Variants in DOCK1 observed in about 807,000 individuals in gnomAD.
DOCK1 encodes the protein dedicator of cytokinesis 1.
A neutral mutation model predicts 262.7 loss-of-function variants in DOCK1; 138 were observed. That is an observed-to-expected ratio of 0.53 (90% CI 0.46 to 0.61). The LOEUF (loss-of-function observed/expected upper bound fraction) is 0.61. Ranked by LOEUF, DOCK1 falls within the 20% of genes least tolerant of loss-of-function variation. The pLI, the probability that DOCK1 is intolerant of heterozygous loss-of-function variation, is 0.00. For synonymous variants in DOCK1, 866 were observed against 867.4 expected, an observed-to-expected ratio of 1.00 and a Z score of 0.03; for missense variants, 1,908 against 2,370.7, an observed-to-expected ratio of 0.80 and a Z score of 4.05.
intron 29 of DOCK1, among the ~76,000 whole-genome samples, chr10:127,328,940 T>A (rs1443379739): frequency 6.6e-6 from 1 of 151,088 alleles, no homozygotes; most frequent in Non-Finnish European, 1.5e-5. Context: ...TTTATATATA[T>A]AAATAAATAT....
chr10:127,317,789 T>C (rs1359518606), intron 29 of DOCK1, among the ~76,000 whole-genome samples: 2 of 152,208 alleles, frequency 1.3e-5, no homozygotes, highest in African/African-American at 4.8e-5. Context: ...GCCACTCTCA[T>C]GCTGCTAGCA....
chr10:127,276,725 T>A (rs1045092262), intron 29 of DOCK1, among the ~76,000 whole-genome samples: 1 of 147,880 alleles, frequency 6.8e-6, no homozygotes, highest in African/African-American at 2.4e-5. Flanking sequence ...GCAGCAAAAA[T>A]TTTGAAAATG....
intron 1 of DOCK1, among the ~76,000 whole-genome samples, chr10:126,967,323 AC>A (rs2037745663): frequency 6.6e-6 from 1 of 152,106 alleles, no homozygotes; most frequent in Non-Finnish European, 1.5e-5. Flanking sequence ...CACATTACAT[AC>A]TTTTGGATTC....
intron 27 of DOCK1, among the ~76,000 whole-genome samples, chr10:127,191,944 C>A (rs1372077561): frequency 6.6e-6 from 1 of 152,228 alleles, no homozygotes; most frequent in Non-Finnish European, 1.5e-5. Context: ...CCATGTCTCT[C>A]ATATGTTGTA....
chr10:127,189,937 G>A (rs945686079), intron 27 of DOCK1, among the ~76,000 whole-genome samples: 2 of 152,220 alleles, frequency 1.3e-5, no homozygotes, highest in African/African-American at 4.8e-5. Flanking sequence ...ATTGAGATGT[G>A]AGGTTAAGGC....
intron 1 of DOCK1, among the ~76,000 whole-genome samples, chr10:126,921,541 C>T (rs916541206): frequency 1.3e-5 from 2 of 152,026 alleles, no homozygotes; most frequent in Admixed American, 1.3e-4. Context: ...TAGTGGTTGC[C>T]CGGGACTAGG....
chr10:127,034,399 G>T (rs1248864062), intron 18 of DOCK1, among the ~76,000 whole-genome samples: 1 of 152,096 alleles, frequency 6.6e-6, no homozygotes, highest in Non-Finnish European at 1.5e-5. Flanking sequence ...GCACAGGAAA[G>T]ACCTGCCCCC....
At chr10:127,002,275 A>G (rs765185536) in intron 10 of DOCK1, among the ~76,000 whole-genome samples, 1 of 152,218 alleles carries the variant, frequency 6.6e-6, no homozygotes, top group Non-Finnish European at 1.5e-5. Flanking sequence ...CAGCAGAGCT[A>G]CACATTCTCT....
chr10:127,428,341 T>G (rs925220336), intron 47 of DOCK1, among the ~76,000 whole-genome samples: 1 of 151,062 alleles, frequency 6.6e-6, no homozygotes, highest in South Asian at 2.1e-4. Context: ...GTGTGCTTGC[T>G]TTGGGCACAG....
intron 29 of DOCK1, among the ~76,000 whole-genome samples, chr10:127,292,069 A>G (rs773872257): frequency 3.3e-5 from 5 of 152,268 alleles, no homozygotes; most frequent in Non-Finnish European, 5.9e-5. Flanking sequence ...GTTATATTTC[A>G]AGGACCTGCC....
intron 35 of DOCK1, among the ~76,000 whole-genome samples, chr10:127,376,498 G>C (rs1212044133): frequency 6.6e-6 from 1 of 152,148 alleles, no homozygotes; most frequent in East Asian, 1.9e-4. Flanking sequence ...CAGGTCAGTT[G>C]GTCTGATCTT....
intron 38 of DOCK1, among the ~76,000 whole-genome samples, 178 bp downstream of exon 38, chr10:127,385,087 A>C (rs1361203699): frequency 6.7e-6 from 1 of 149,514 alleles, no homozygotes; most frequent in African/African-American, 2.5e-5. Context: ...ATCTTCTTTT[A>C]AAAAAAATCA....
At chr10:126,917,669 T>C (rs2032661869) in intron 1 of DOCK1, among the ~76,000 whole-genome samples, 1 of 152,074 alleles carries the variant, frequency 6.6e-6, no homozygotes, top group Non-Finnish European at 1.5e-5. Context: ...ATCCCTTTGT[T>C]CCACCCCGGG....
chr10:127,024,124 C>T (rs187870376), intron 14 of DOCK1, among the ~76,000 whole-genome samples: 4 of 152,276 alleles, frequency 2.6e-5, no homozygotes, highest in African/African-American at 9.6e-5. Flanking sequence ...TGCACCAGTG[C>T]TGGAGGACTG....
intron 29 of DOCK1, among the ~76,000 whole-genome samples, chr10:127,301,246 G>A (rs1185664534): frequency 6.6e-6 from 1 of 152,206 alleles, no homozygotes; most frequent in Non-Finnish European, 1.5e-5. Flanking sequence ...GTGCAGGTTA[G>A]GCCTGGATCG....
intron 24 of DOCK1, among the ~76,000 whole-genome samples, chr10:127,106,630 C>CT (rs755681966): frequency 6.8e-4 from 103 of 152,090 alleles, no homozygotes; most frequent in Admixed American, 2.1e-3. Flanking sequence ...TTTTCAGCAC[C>CT]TAAAAATCCT....
intron 33 of DOCK1, among the ~76,000 whole-genome samples, chr10:127,369,725 C>A (rs2065108911): frequency 1.3e-5 from 2 of 152,206 alleles, no homozygotes; most frequent in African/African-American, 4.8e-5. Context: ...ACAGGAGCTC[C>A]AAGGTCAGCA....
chr10:127,235,039 C>T (rs531074932), intron 27 of DOCK1, among the ~76,000 whole-genome samples: 1 of 148,116 alleles, frequency 6.8e-6, no homozygotes, highest in East Asian at 2.0e-4. Flanking sequence ...AGCATATATA[C>T]TTATACATAA....
chr10:127,343,618 T>A, intron 30 of DOCK1, 28 bp from the exon 31 acceptor site: 1 of 1,567,736 alleles, frequency 6.4e-7, no homozygotes, highest in South Asian at 1.2e-5. Flanking sequence ...GTTCAACAAC[T>A]TAGCATCTCC....
Sources: allele counts gnomAD v4.1 joint callset (sites outside exome capture counted in the v4.1 genomes callset), GRCh38; gene constraint gnomAD v4.1.1; transcripts MANE v1.5; gene names NCBI Gene and HGNC (gene_info 2026-07-23, HGNC 2026-07-21).